SUGCT: variants seen among roughly 807,000 people sequenced by gnomAD.
SUGCT encodes succinyl-CoA:glutarate CoA-transferase.
A neutral mutation model predicts 55.0 loss-of-function variants in SUGCT; 41 were observed. That is an observed-to-expected ratio of 0.74 (90% CI 0.58 to 0.97). The LOEUF is 0.97. SUGCT is among the 50% of genes least tolerant of loss of function. The pLI, the probability that SUGCT is intolerant of heterozygous loss-of-function variation, is 0.00. For synonymous variants in SUGCT, 187 were observed against 200.4 expected (o/e 0.93, Z 0.56); for missense variants, 568 against 547.8 (o/e 1.04, Z -0.37).
intron 9 of SUGCT, among the ~76,000 whole-genome samples, chr7:40,390,129 G>A (rs141208879): frequency 0.13 from 20,154 of 152,074 alleles, 1,709 homozygotes; most frequent in East Asian, 0.48. Flanking sequence ...TTGATGGGAC[G>A]TATCTCAAAA....
At chr7:40,622,919 A>G (rs1192805923) in intron 12 of SUGCT, among the ~76,000 whole-genome samples, 1 of 152,176 alleles carries the variant, frequency 6.6e-6, no homozygotes, top group African/African-American at 2.4e-5. Context: ...TGTGTTGCCT[A>G]AGCTGTAGGG....
intron 7 of SUGCT, among the ~76,000 whole-genome samples, chr7:40,244,174 A>G (rs1253992110): frequency 1.3e-5 from 2 of 152,220 alleles, no homozygotes; most frequent in East Asian, 1.9e-4. Flanking sequence ...CTCTGTCTCA[A>G]AACAAAACAA....
At chr7:40,756,366 C>A (rs1448893146) in intron 13 of SUGCT, among the ~76,000 whole-genome samples, 1 of 152,172 alleles carries the variant, frequency 6.6e-6, no homozygotes, top group East Asian at 1.9e-4. Flanking sequence ...TGGCTACCTG[C>A]AGAAGCTCTC....
intron 13 of SUGCT, among the ~76,000 whole-genome samples, chr7:40,812,678 G>C (rs1225149169): frequency 6.6e-6 from 1 of 151,842 alleles, no homozygotes; most frequent in Non-Finnish European, 1.5e-5. Context: ...ACCAACTTTG[G>C]ATTTTACTAA....
chr7:40,188,347 T>G, intron 3 of SUGCT, 148 bp from the exon 4 acceptor site: 1 of 571,424 alleles, frequency 1.8e-6, no homozygotes. Flanking sequence ...GGCAGGAGAA[T>G]TACCCGAACC....
chr7:40,432,318 C>T (rs1431437099), intron 9 of SUGCT, among the ~76,000 whole-genome samples: 2 of 152,110 alleles, frequency 1.3e-5, no homozygotes, highest in Non-Finnish European at 2.9e-5. Flanking sequence ...CAGTGAGGTT[C>T]CTGCTGAACA....
chr7:40,516,638 A>G (rs1199725957), intron 12 of SUGCT, among the ~76,000 whole-genome samples: 2 of 152,060 alleles, frequency 1.3e-5, no homozygotes, highest in African/African-American at 4.8e-5. Context: ...CCCTTGTTGA[A>G]AACCAATTCA....
intron 13 of SUGCT, among the ~76,000 whole-genome samples, chr7:40,822,211 G>A (rs996442248): frequency 2.6e-5 from 4 of 152,182 alleles, no homozygotes; most frequent in Non-Finnish European, 4.4e-5. Flanking sequence ...TAATAAGTGC[G>A]ATGTGGTGCT....
the SUGCT span, among the ~76,000 whole-genome samples, chr7:41,012,354 G>C: frequency 2.0e-5 from 3 of 152,188 alleles, no homozygotes; most frequent in Non-Finnish European, 4.4e-5. Context: ...GCTAAACGCA[G>C]TGGTTCAGTG....
intron 8 of SUGCT, among the ~76,000 whole-genome samples, chr7:40,297,176 A>T (rs1216139760): frequency 6.6e-6 from 1 of 151,698 alleles, no homozygotes; most frequent in Non-Finnish European, 1.5e-5. Context: ...GTCCATGTTC[A>T]CCTTATTACT....
chr7:40,866,800 G>T, the SUGCT span, among the ~76,000 whole-genome samples: 1 of 152,092 alleles, frequency 6.6e-6, no homozygotes, highest in African/African-American at 2.4e-5. Context: ...CAGAGGTGGT[G>T]CTCAAGACTT....
the SUGCT span, among the ~76,000 whole-genome samples, chr7:40,990,235 C>A: frequency 6.6e-6 from 1 of 152,232 alleles, no homozygotes; most frequent in African/African-American, 2.4e-5. Flanking sequence ...AATCTCCTCA[C>A]ACATCTCCAT....
chr7:40,955,842 G>T, the SUGCT span, among the ~76,000 whole-genome samples: 2 of 151,992 alleles, frequency 1.3e-5, no homozygotes, highest in Non-Finnish European at 2.9e-5. Flanking sequence ...AGCATGAAGG[G>T]TGTTGAATTT....
At chr7:40,778,316 T>C (rs1241358947) in intron 13 of SUGCT, among the ~76,000 whole-genome samples, 3 of 152,248 alleles carry the variant, frequency 2.0e-5, no homozygotes, top group Non-Finnish European at 2.9e-5. Flanking sequence ...GACAATCTAC[T>C]TGATTTACCT....
chr7:40,433,496 A>G (rs1245681956), intron 9 of SUGCT, among the ~76,000 whole-genome samples: 1 of 152,052 alleles, frequency 6.6e-6, no homozygotes, highest in Non-Finnish European at 1.5e-5. Context: ...TCAGTTTTAG[A>G]GTTTATTAGT....
intron 6 of SUGCT, among the ~76,000 whole-genome samples, chr7:40,218,290 G>A (rs925186770): frequency 1.3e-5 from 2 of 152,158 alleles, no homozygotes; most frequent in African/African-American, 4.8e-5. Flanking sequence ...TTTGCTCATT[G>A]GAGAAATACA....
At chr7:40,802,325 C>G (rs1033046074) in intron 13 of SUGCT, among the ~76,000 whole-genome samples, 2 of 151,746 alleles carry the variant, frequency 1.3e-5, no homozygotes, top group African/African-American at 4.8e-5. Context: ...CACACACACG[C>G]ACACACCACA....
chr7:40,580,640 G>A (rs1797037369), intron 12 of SUGCT, among the ~76,000 whole-genome samples: 1 of 152,180 alleles, frequency 6.6e-6, no homozygotes, highest in African/African-American at 2.4e-5. Context: ...AGGCATTGTG[G>A]TGGGTAAAAA....
intron 12 of SUGCT, among the ~76,000 whole-genome samples, chr7:40,543,332 A>G (rs1794806953): frequency 6.6e-6 from 1 of 152,220 alleles, no homozygotes; most frequent in Non-Finnish European, 1.5e-5. Flanking sequence ...TCTAAAATAT[A>G]TGCAGCTCAA....
Sources: gnomAD v4.1 joint callset for allele counts (sites outside exome capture counted in the v4.1 genomes callset) on GRCh38, gnomAD v4.1.1 for gene constraint, MANE v1.5 for transcripts, NCBI Gene and HGNC (gene_info 2026-07-23, HGNC 2026-07-21) for gene names.